The following NCKIPSD variants were observed in gnomAD, a reference collection of about 807,000 sequenced individuals.
The protein encoded by NCKIPSD is NCK interacting protein with SH3 domain, also known as NCK-interacting protein with SH3 domain.
A neutral mutation model predicts 73.4 loss-of-function variants in NCKIPSD; 48 were observed. That is an observed-to-expected ratio of 0.65 (90% CI 0.52 to 0.83). The LOEUF (loss-of-function observed/expected upper bound fraction) is 0.83, where lower values mean the gene tolerates loss of function less well. NCKIPSD is among the 40% of genes least tolerant of loss of function. NCKIPSD has a pLI of 0.00. For synonymous variants in NCKIPSD, 422 were observed against 403.6 expected (o/e 1.05, Z -0.54); for missense variants, 884 against 970.2 (o/e 0.91, Z 1.18).
Position 48,681,303 on chromosome 3 carries a change from G to A in NCKIPSD, c.1076C>T (p.Ser359Leu), listed in dbSNP as rs775237609. The change falls in exon 5 of 13, where the codon TCA (serine) becomes TTA (leucine). Residue 359 changes from serine to leucine, a missense_variant. By Grantham distance (145) the Ser-to-Leu change is moderately radical. Transcript: ENST00000294129. ...CACCCTCACCTTGCCCTCTACGAGTGAGAGGAGGACCTGCTCCATGACTGG... is the reference window on the plus strand; with the variant it reads ...CACCCTCACCTTGCCCTCTACGAGTAAGAGGAGGACCTGCTCCATGACTGG... ...SSPVMEQVLL[S>L]LVEGKDLSMA... 1 of 1,606,466 alleles carries A rather than the reference G, an allele frequency of 6.2e-7. No individual in the cohort carries two copies. Among genetic ancestry groups the A allele is most frequent in the South Asian group, 1.1e-5 (1 of 90,602 alleles).
chr3:48,684,372 G>T (rs1183102231), intron 1 of NCKIPSD, among the ~76,000 whole-genome samples: 1 of 152,150 alleles, frequency 6.6e-6, no homozygotes, highest in Non-Finnish European at 1.5e-5. Flanking sequence ...CTTTTCCTCA[G>T]AGGCCTTCAA....
At chr3:48,682,216 C>T (rs545348956) in intron 3 of NCKIPSD, 60 bp from the exon 4 acceptor site, 71 of 1,566,434 alleles carry the variant, frequency 4.5e-5, no homozygotes, top group African/African-American at 6.8e-5. Flanking sequence ...CAGCGAGGCT[C>T]GGGCCCTGAG....
rs747091869 is a variant in NCKIPSD, at chr3:48,685,771, G to A, written c.37C>T (p.Pro13Ser). 21 of 1,530,934 alleles carry A rather than the reference G, an allele frequency of 1.4e-5. No homozygotes were observed. Among genetic ancestry groups the A allele is most frequent in the Non-Finnish European group, 1.7e-5 (20 of 1,148,178 alleles). 94.8% of individuals were successfully genotyped at this position (1,530,934 alleles called of 1,614,324 possible). ...RALYAFRSAEPNALAFAAGET... is the reference protein window; with the variant it reads ...RALYAFRSAESNALAFAAGET... ...CCCGCGGCGAACGCCAGCGCGTTGG[G>A]CTCCGCCGAGCGGAACGCGTACAGC... Residue 13 changes from proline (P) to serine (S), a missense_variant, in exon 1 of 13, where the codon CCC becomes TCC. By Grantham distance (74) the Pro-to-Ser change is moderately conservative. Transcript: ENST00000294129.
At position 48,680,122 on chromosome 3, in the gene NCKIPSD, A is replaced by G. The variant is rs2077326741; in HGVS notation, c.1200T>C (p.Ser400=). The part of the protein sequence containing the change: ...ARRKDDAQQR[S]WALYEDEGVI... ...CACCCTCATCCTCATATAGTGCCCA[A>G]CTGCGCTGCTGGGCGTCGTCCTTCC... Residue 400 remains serine, a synonymous_variant, in exon 6 of 13, where the codon AGT becomes AGC. Transcript: ENST00000294129. 3 of 1,614,098 alleles carry G rather than the reference A, an allele frequency of 1.9e-6. No individual in the cohort carries two copies. Among genetic ancestry groups the G allele is most frequent in the Non-Finnish European group, 2.5e-6 (3 of 1,180,010 alleles).
Position 48,678,985 on chromosome 3 carries a change from G to A in NCKIPSD, c.1700-16C>T. The A allele has an allele frequency of 6.2e-7, 1 of 1,614,108 alleles. No homozygotes were observed. The highest frequency in any genetic ancestry group is 8.5e-7 in the Non-Finnish European group (1 of 1,180,014). On this transcript the variant is annotated splice_polypyrimidine_tract_variant and intron_variant, in intron 10 of 12. Coordinates refer to ENST00000294129, the MANE Select transcript of NCKIPSD (RefSeq NM_016453.4). ...TGGTCAGCAGCTAAGGAAGGACATG[G>A]GTATAGACAGGGTGCTGAGCCTGAG... is the stretch of plus-strand genomic sequence containing the variant.
intron 12 of NCKIPSD, among the ~76,000 whole-genome samples, chr3:48,677,865 G>A (rs1462837539): frequency 3.3e-5 from 5 of 152,082 alleles, no homozygotes; most frequent in South Asian, 2.1e-4. Flanking sequence ...GCTTCCCATC[G>A]TATCTCTGCA....
Position 48,680,135 on chromosome 3 carries a change from G to A in NCKIPSD, c.1187C>T (p.Ala396Val), listed in dbSNP as rs750092124. The A allele has an allele frequency of 9.3e-6, 15 of 1,613,976 alleles. No homozygotes were observed. In the African/African-American group the frequency reaches 1.2e-4, roughly 13 times the overall value. Residue 396 changes from alanine to valine, a missense_variant, in exon 6 of 13, where the codon GCC becomes GTC. Ala to Val is a moderately conservative substitution (Grantham distance 64). Transcript: ENST00000294129. ...ATATAGTGCCCAACTGCGCTGCTGGGCGTCGTCCTTCCGGCGAGCCAGGTC... is the reference window on the plus strand; with the variant it reads ...ATATAGTGCCCAACTGCGCTGCTGGACGTCGTCCTTCCGGCGAGCCAGGTC... The part of the protein sequence containing the change: ...FADLARRKDD[A>V]QQRSWALYED...
rs772286444 is a variant in NCKIPSD, at chr3:48,679,170, C to G, written c.1584G>C (p.Thr528=). The G allele has an allele frequency of 1.2e-6, 2 of 1,614,010 alleles. No individual in the cohort carries two copies. Among genetic ancestry groups the G allele is most frequent in the Non-Finnish European group, 1.7e-6 (2 of 1,179,968 alleles). ...TGTTCAGTAGGAACTGGGCGAAAGGCGTGCCCAGGTGCTCTGGGAGAGGGG... is the reference window on the plus strand; with the variant it reads ...TGTTCAGTAGGAACTGGGCGAAAGGGGTGCCCAGGTGCTCTGGGAGAGGGG... The part of the protein sequence containing the change: ...VPYAHYEHLG[T]PFAQFLLNIV... The change falls in exon 10 of 13, where the codon ACG becomes ACC. Residue 528 remains threonine (T), a synonymous_variant. Transcript: ENST00000294129.
At chr3:48,678,786 G>A (rs1300673689) in intron 11 of NCKIPSD, 50 bp from the exon 12 acceptor site, 2 of 1,611,388 alleles carry the variant, frequency 1.2e-6, no homozygotes, top group Non-Finnish European at 8.5e-7. Context: ...GGGGATCCCA[G>A]AGTCACCCCA....
Position 48,674,487 on chromosome 3 carries a change from G to GC in NCKIPSD, c.*56dup, listed in dbSNP as rs1443841545. ...CAGTGCAAAACATTCTTAGGGCCAA[G>GC]CCCCTGAGTCCCCTGCACACTGACT... On this transcript the variant is annotated 3_prime_UTR_variant, in exon 13 of 13. Transcript: ENST00000294129. 1 of 1,537,716 alleles carries GC rather than the reference G, an allele frequency of 6.5e-7. No homozygotes were observed. The highest frequency in any genetic ancestry group is 1.4e-5 in the African/African-American group (1 of 72,882).
intron 1 of NCKIPSD, among the ~76,000 whole-genome samples, chr3:48,683,979 G>GACACACACACACACAC (rs545029045): frequency 2.6e-4 from 34 of 131,188 alleles, no homozygotes; most frequent in African/African-American, 5.7e-4. Flanking sequence ...AAGACATGAA[G>GACACACACACACACAC]ACACACACAC....
intron 12 of NCKIPSD, among the ~76,000 whole-genome samples, chr3:48,677,797 C>G (rs147167448): frequency 0.013 from 2,002 of 152,272 alleles, 28 homozygotes; most frequent in Middle Eastern, 0.071. Context: ...GGCTGCAGCC[C>G]GAACTTCCCG....
intron 12 of NCKIPSD, among the ~76,000 whole-genome samples, chr3:48,675,527 T>TATATATTATA (rs1559489976): frequency 1.7e-5 from 1 of 58,996 alleles, no homozygotes; most frequent in African/African-American, 1.2e-4. Flanking sequence ...TATATATATA[T>TATATATTATA]GATATATATA....
rs1392703804 is a variant in NCKIPSD at position 48,674,764 on chromosome 3, C to A, written c.1966-17G>T. The A allele has an allele frequency of 5.6e-6, 9 of 1,612,428 alleles. No individual in the cohort carries two copies. Among genetic ancestry groups the A allele is most frequent in the Non-Finnish European group, 6.8e-6 (8 of 1,179,266 alleles). On this transcript the variant is annotated splice_polypyrimidine_tract_variant and intron_variant, in intron 12 of 12. Transcript: ENST00000294129. ...CATGCGCAGCTGTGGGAAGAGCAGG[C>A]CAGCTCAGGGACCCCAGGGAGGTAC...
Position 48,675,644 on chromosome 3 carries a change from T to C in NCKIPSD, c.1966-897A>G, listed in dbSNP as rs186288279. ...GCAACCTCTGACTCCTGGATTCAAG[T>C]GATTCTCCTGCCTCAGCCTCCCAAA... On this transcript the variant is annotated intron_variant, in intron 12 of 12. Coordinates refer to ENST00000294129, the MANE Select transcript of NCKIPSD (RefSeq NM_016453.4). Among the ~76,000 whole-genome samples, 792 of 151,112 alleles carry C rather than the reference T, an allele frequency of 5.2e-3. 8 individuals carry two copies. Among genetic ancestry groups the C allele is most frequent in the African/African-American group, 0.018 (755 of 41,172 alleles).
intron 12 of NCKIPSD, among the ~76,000 whole-genome samples, chr3:48,676,140 G>C (rs983936222): frequency 2.0e-5 from 3 of 152,178 alleles, no homozygotes; most frequent in African/African-American, 7.2e-5. Context: ...GCCTCCCACT[G>C]CTTTTCTCTG....
chr3:48,681,928 A>G (rs1356271623), intron 4 of NCKIPSD, 117 bp downstream of exon 4: 3 of 1,468,600 alleles, frequency 2.0e-6, no homozygotes, highest in African/African-American at 2.8e-5. Context: ...AATTGCCCCA[A>G]AATGGGAGTC....
chr3:48,684,375 G>A (rs775589692), intron 1 of NCKIPSD, among the ~76,000 whole-genome samples: 7 of 152,260 alleles, frequency 4.6e-5, no homozygotes, highest in East Asian at 1.9e-4. Flanking sequence ...TTCCTCAGAG[G>A]CCTTCAATGA....
chr3:48,677,651 TG>T (rs1290064373), intron 12 of NCKIPSD, among the ~76,000 whole-genome samples: 2 of 152,168 alleles, frequency 1.3e-5, no homozygotes, highest in African/African-American at 4.8e-5. Flanking sequence ...GTGAATCCAA[TG>T]GCCAACCCCA....
Sources: allele counts gnomAD v4.1 joint callset (sites outside exome capture counted in the v4.1 genomes callset), GRCh38; gene constraint gnomAD v4.1.1; transcripts MANE v1.5; gene names NCBI Gene and HGNC (gene_info 2026-07-23, HGNC 2026-07-21).